Variants in EFCAB6 observed in about 807,000 individuals in gnomAD.
EFCAB6 encodes the protein EF-hand calcium-binding domain-containing protein 6.
A neutral mutation model predicts 169.8 loss-of-function variants in EFCAB6; 156 were observed. The observed-to-expected ratio is 0.92, with a 90% CI of 0.81 to 1.05. The LOEUF is 1.05. Among genes scored for constraint, EFCAB6 ranks in the 50% least tolerant of loss-of-function variants. The pLI is 0.00. For synonymous variants in EFCAB6, 698 were observed against 676.4 expected, an observed-to-expected ratio of 1.03 and a Z score of -0.50; for missense variants, 1,800 against 1,829.1, an observed-to-expected ratio of 0.98 and a Z score of 0.29.
chr22:43,719,639 C>T (rs904881495), intron 8 of EFCAB6, among the ~76,000 whole-genome samples: 37 of 152,256 alleles, frequency 2.4e-4, no homozygotes, highest in Admixed American at 1.3e-3. Context: ...AACATATTTT[C>T]CCCCAAAAAA....
intron 4 of EFCAB6, among the ~76,000 whole-genome samples, chr22:43,766,070 C>T (rs2061317575): frequency 6.6e-6 from 1 of 152,094 alleles, no homozygotes; most frequent in African/African-American, 2.4e-5. Context: ...GAGTCTCGCT[C>T]TGTCACGCAG....
chr22:43,798,245 G>A (rs769419445), intron 2 of EFCAB6, among the ~76,000 whole-genome samples: 1 of 152,116 alleles, frequency 6.6e-6, no homozygotes, highest in Non-Finnish European at 1.5e-5. Flanking sequence ...TTAGCCAGGT[G>A]TGGTGGCGGG....
At chr22:43,792,250 A>G (rs1025471246) in intron 2 of EFCAB6, among the ~76,000 whole-genome samples, 3 of 152,202 alleles carry the variant, frequency 2.0e-5, no homozygotes, top group Admixed American at 1.3e-4. Context: ...AGGGAACTGT[A>G]AGAGCCATCT....
At chr22:43,604,914 G>A (rs549509411) in intron 22 of EFCAB6, among the ~76,000 whole-genome samples, 2 of 152,336 alleles carry the variant, frequency 1.3e-5, no homozygotes, top group East Asian at 3.9e-4. Context: ...CGAGCCTGCT[G>A]CTTTTCCTAC....
chr22:43,586,541 C>T (rs2051087216), intron 24 of EFCAB6, among the ~76,000 whole-genome samples: 1 of 151,670 alleles, frequency 6.6e-6, no homozygotes, highest in Admixed American at 6.6e-5. Flanking sequence ...GTCAGCATGG[C>T]TCAATTATAC....
rs541720424 is a variant in EFCAB6 at position 43,530,799 on chromosome 22, G to A, written c.4383+16C>T. The A allele has an allele frequency of 2.5e-6, 4 of 1,612,996 alleles. No individual in the cohort carries two copies. The highest frequency in any genetic ancestry group is 1.3e-5 in the African/African-American group (1 of 75,026). ...GCTGCTCCCTGCAGAGGCACTGGGC[G>A]CAGAGCTGTGCTCACCGTCCTGAAA... is the stretch of plus-strand genomic sequence containing the variant. On this transcript the variant is annotated intron_variant, in intron 31 of 31. Coordinates refer to ENST00000262726, the MANE Select transcript of EFCAB6 (RefSeq NM_022785.4).
At chr22:43,556,169 C>T (rs895620632) in intron 26 of EFCAB6, among the ~76,000 whole-genome samples, 4 of 151,658 alleles carry the variant, frequency 2.6e-5, no homozygotes, top group East Asian at 1.9e-4. Context: ...GGGGATGAAG[C>T]GAATGGGGCA....
At chr22:43,753,483 C>T (rs989187306) in intron 6 of EFCAB6, among the ~76,000 whole-genome samples, 11 of 152,184 alleles carry the variant, frequency 7.2e-5, no homozygotes, top group Non-Finnish European at 1.6e-4. Context: ...CAGAGAGCGC[C>T]TCTTCCCATG....
Position 43,699,328 on chromosome 22 carries a change from T to C in EFCAB6, c.1032-11747A>G, listed in dbSNP as rs1335531162. On this transcript the variant is annotated intron_variant, in intron 10 of 31. Coordinates refer to ENST00000262726, the MANE Select transcript of EFCAB6 (RefSeq NM_022785.4). ...CAGCAGCTTGGCAATAGTCATGTTC[T>C]TCTCCCTAAGACCTCATCCCCTGAG... Among the ~76,000 whole-genome samples, 3 of 152,292 alleles carry C rather than the reference T, an allele frequency of 2.0e-5. No individual in the cohort carries two copies. In the South Asian group the frequency reaches 6.2e-4, roughly 32 times the overall value.
intron 5 of EFCAB6, 60 bp from the exon 6 acceptor site, chr22:43,755,892 G>C: frequency 7.3e-7 from 1 of 1,371,034 alleles, no homozygotes; most frequent in South Asian, 1.4e-5. Context: ...GTTTACATAG[G>C]ATATGCAGAG....
chr22:43,571,548 A>G (rs1443955483), intron 26 of EFCAB6, among the ~76,000 whole-genome samples: 1 of 152,210 alleles, frequency 6.6e-6, no homozygotes, highest in Non-Finnish European at 1.5e-5. Flanking sequence ...GGAGAAGTTA[A>G]TGATGAATGC....
intron 2 of EFCAB6, 23 bp from the exon 3 acceptor site, chr22:43,782,348 T>C: frequency 6.2e-7 from 1 of 1,604,604 alleles, no homozygotes; most frequent in South Asian, 1.1e-5. Flanking sequence ...AGAAAACAGA[T>C]TACGTTACCT....
chr22:43,621,011 T>C (rs1387363339), intron 20 of EFCAB6, among the ~76,000 whole-genome samples: 1 of 152,162 alleles, frequency 6.6e-6, no homozygotes, highest in East Asian at 1.9e-4. Context: ...AAAGAATTAA[T>C]ATCACACAAG....
At chr22:43,643,430 C>T (rs1242427013) in intron 17 of EFCAB6, among the ~76,000 whole-genome samples, 1 of 152,160 alleles carries the variant, frequency 6.6e-6, no homozygotes, top group Admixed American at 6.5e-5. Flanking sequence ...AACCCAAAGC[C>T]CAGAGATGCA....
In EFCAB6 at chr22:43,691,492, CA is replaced by C. The variant is rs201566448; in HGVS notation, c.1032-3912del. On this transcript the variant is annotated intron_variant, in intron 10 of 31. Transcript: ENST00000262726. ...AAGTTAAATGTAAAAACTATGACTA[CA>C]AAAAAAGTAGAAAAAAATCTAGGCA... is the stretch of plus-strand genomic sequence containing the variant. 2.5e-3 allele frequency among the ~76,000 whole-genome samples: 378 copies of C among 151,756 alleles called. 4 individuals are homozygous for C. The highest frequency in any genetic ancestry group is 8.7e-3 in the African/African-American group (361 of 41,416).
intron 10 of EFCAB6, among the ~76,000 whole-genome samples, chr22:43,698,117 G>A (rs983263388): frequency 2.6e-5 from 4 of 152,112 alleles, no homozygotes; most frequent in African/African-American, 9.7e-5. Flanking sequence ...GGGCTTTCAG[G>A]GTGGCAGAAA....
At chr22:43,771,158 C>A (rs1292239891) in intron 4 of EFCAB6, among the ~76,000 whole-genome samples, 1 of 152,168 alleles carries the variant, frequency 6.6e-6, no homozygotes, top group Non-Finnish European at 1.5e-5. Context: ...AGGCCAGGCA[C>A]GGTGGCTCAC....
intron 8 of EFCAB6, among the ~76,000 whole-genome samples, chr22:43,717,545 T>C (rs947513903): frequency 3.3e-5 from 5 of 152,146 alleles, no homozygotes; most frequent in African/African-American, 1.2e-4. Flanking sequence ...TATAGACAGA[T>C]AATTCACATA....
chr22:43,580,260 A>G (rs1397246977), intron 25 of EFCAB6, among the ~76,000 whole-genome samples: 1 of 152,004 alleles, frequency 6.6e-6, no homozygotes, highest in East Asian at 1.9e-4. Flanking sequence ...CAGCATTTCT[A>G]AATGCTGAGC....
Sources: allele counts gnomAD v4.1 joint callset (sites outside exome capture counted in the v4.1 genomes callset), GRCh38; gene constraint gnomAD v4.1.1; transcripts MANE v1.5; gene names NCBI Gene and HGNC (gene_info 2026-07-23, HGNC 2026-07-21).